The following PCDHA9 variants were observed in gnomAD, a reference collection of about 807,000 sequenced individuals.
PCDHA9 encodes the protein protocadherin alpha-9.
In PCDHA9, 62 loss-of-function variants were observed where a neutral mutation model predicts 62.0. That is an observed-to-expected ratio of 1.00 (90% CI 0.81 to 1.23). The LOEUF (loss-of-function observed/expected upper bound fraction) is 1.23, where lower values mean the gene tolerates loss of function less well. PCDHA9 is among the 50% of genes most tolerant of loss of function. The probability of loss-of-function intolerance (pLI) is 0.00; values close to 1 mark genes in which losing one functional copy is unlikely to be tolerated. For missense variants in PCDHA9, 1,205 were observed against 1,249.8 expected, an observed-to-expected ratio of 0.96 and a Z score of 0.54; for synonymous variants, 557 against 567.6, an observed-to-expected ratio of 0.98 and a Z score of 0.27.
In PCDHA9 at chr5:140,852,860, T is replaced by C. The variant is rs2150523334; in HGVS notation, c.2394+1971T>C. On this transcript the variant is annotated intron_variant, in intron 1 of 3. Transcript: ENST00000532602. ...GAGCTAGTACTTACTAAGCATTTAC[T>C]ATGTCATCAATAATCATAAAACGTA... is the stretch of plus-strand genomic sequence containing the variant. 26 of 961,500 alleles carry C rather than the reference T, an allele frequency of 2.7e-5. 2 individuals are homozygous for C. Among genetic ancestry groups the C allele is most frequent in the Admixed American group, 1.9e-4 (3 of 15,764 alleles). 59.6% of individuals were successfully genotyped at this position (961,500 alleles called of 1,614,324 possible).
At chr5:141,004,378 G>A (rs914260481) in intron 3 of PCDHA9, among the ~76,000 whole-genome samples, 3 of 152,198 alleles carry the variant, frequency 2.0e-5, no homozygotes, top group Admixed American at 6.5e-5. Context: ...TCTGCTCTGC[G>A]GAAGCTGGAC....
intron 1 of PCDHA9, among the ~76,000 whole-genome samples, chr5:140,922,088 T>C (rs1361534405): frequency 6.6e-6 from 1 of 152,184 alleles, no homozygotes; most frequent in Non-Finnish European, 1.5e-5. Context: ...AAGTGGTATT[T>C]CTACCAACTA....
chr5:140,922,441 A>G (rs2080844983), intron 1 of PCDHA9, among the ~76,000 whole-genome samples: 1 of 152,216 alleles, frequency 6.6e-6, no homozygotes, highest in Non-Finnish European at 1.5e-5. Flanking sequence ...GAACTCTCTC[A>G]TTATCCTATT....
At chr5:140,927,638 G>C (rs781909639) in intron 1 of PCDHA9, 1 of 1,614,024 alleles carries the variant, frequency 6.2e-7, no homozygotes, top group Admixed American at 1.7e-5. Flanking sequence ...GCACCCAATG[G>C]GACTGTGTTA....
intron 1 of PCDHA9, among the ~76,000 whole-genome samples, chr5:140,946,349 G>A (rs1412325014): frequency 6.6e-6 from 1 of 151,910 alleles, no homozygotes; most frequent in Non-Finnish European, 1.5e-5. Flanking sequence ...TGGAGAGGAT[G>A]TGGAGAAAAG....
intron 1 of PCDHA9, chr5:140,871,116 C>G (rs200344692): frequency 6.2e-7 from 1 of 1,613,264 alleles, no homozygotes; most frequent in East Asian, 2.2e-5. Flanking sequence ...TGGTGGAGAG[C>G]GGACAGGCGC....
chr5:140,883,575 G>A (rs782472492), intron 1 of PCDHA9: 2 of 1,614,072 alleles, frequency 1.2e-6, no homozygotes, highest in Non-Finnish European at 1.7e-6. Flanking sequence ...CCTTCGCTGT[G>A]GGCCACGGCC....
intron 1 of PCDHA9, among the ~76,000 whole-genome samples, chr5:140,902,546 A>G (rs1456804685): frequency 6.6e-6 from 1 of 152,088 alleles, no homozygotes; most frequent in Non-Finnish European, 1.5e-5. Context: ...TGTTCCTTCT[A>G]TACCCAGATT....
At chr5:140,905,990 G>A (rs569951946) in intron 1 of PCDHA9, among the ~76,000 whole-genome samples, 5 of 152,280 alleles carry the variant, frequency 3.3e-5, no homozygotes, top group Admixed American at 1.3e-4. Flanking sequence ...GAAAGATGTA[G>A]GCTGGGAGGC....
intron 1 of PCDHA9, among the ~76,000 whole-genome samples, chr5:140,920,012 G>A (rs531392984): frequency 2.6e-5 from 4 of 152,314 alleles, no homozygotes; most frequent in East Asian, 1.9e-4. Context: ...AAGGCCATGC[G>A]AAGATGGAGA....
chr5:140,890,739 C>T (rs1202760840), intron 1 of PCDHA9, among the ~76,000 whole-genome samples: 1 of 152,112 alleles, frequency 6.6e-6, no homozygotes, highest in Non-Finnish European at 1.5e-5. Flanking sequence ...GACTTATATA[C>T]TATTTCTGTC....
Position 140,850,664 on chromosome 5 carries a change from C to T in PCDHA9, c.2169C>T (p.Cys723=). 6.3e-7 allele frequency: 1 copy of T among 1,598,396 alleles called. No individual in the cohort carries two copies. Among genetic ancestry groups the T allele is most frequent in the Non-Finnish European group, 8.6e-7 (1 of 1,167,824 alleles). Residue 723 remains cysteine (C), a synonymous_variant, in exon 1 of 4, where the codon TGC becomes TGT. Transcript: ENST00000532602. Reference sequence around the variant, plus strand: ...TGCTGCTGTACACTGTGCTGCGGTGCTCGGCGATGCCCACCGAGGGCGAGT... The same window carrying T: ...TGCTGCTGTACACTGTGCTGCGGTGTTCGGCGATGCCCACCGAGGGCGAGT... The part of the protein sequence containing the change: ...LTLLLYTVLR[C]SAMPTEGECA...
At position 140,849,843 on chromosome 5, in the gene PCDHA9, G is replaced by C. The variant is rs2150453087; in HGVS notation, c.1348G>C (p.Asp450His). 1.9e-6 allele frequency: 3 copies of C among 1,598,500 alleles called. No individual in the cohort carries two copies. The highest frequency in any genetic ancestry group is 1.7e-6 in the Non-Finnish European group (2 of 1,167,974). The change falls in exon 1 of 4, where the codon GAC (aspartate) becomes CAC (histidine). Residue 450 changes from aspartate (D) to histidine (H), a missense_variant. Physicochemically the swap from Asp to His is moderately conservative, Grantham distance 81. Transcript: ENST00000532602. The stretch of plus-strand genomic sequence containing the variant: ...GTCTGTGGAGGTGGCCGACGTGAAC[G>C]ACAACGCACCAGCGTTCGCGCAGTC... ...RVSVEVADVN[D>H]NAPAFAQSEY...
rs142105240 is a variant in PCDHA9, at chr5:140,882,817, A to G, written c.2394+31928A>G. The G allele has an allele frequency of 5.3e-5, 86 of 1,614,242 alleles. 1 individual carries two copies. The African/African-American group carries it at 9.9e-4, about 19-fold the overall frequency. The stretch of plus-strand genomic sequence containing the variant: ...ACGATTATTTCACTTTGGACGCACA[A>G]AACAGTCTTGAGCAAATGTCTTCAT... On this transcript the variant is annotated intron_variant, in intron 1 of 3. Transcript: ENST00000532602.
At chr5:140,956,885 T>C (rs1156888418) in intron 1 of PCDHA9, among the ~76,000 whole-genome samples, 1 of 152,194 alleles carries the variant, frequency 6.6e-6, no homozygotes, top group Non-Finnish European at 1.5e-5. Context: ...TAGATATCAA[T>C]GAATGAATAT....
chr5:140,931,649 G>A (rs2087653878), intron 1 of PCDHA9, among the ~76,000 whole-genome samples: 1 of 151,904 alleles, frequency 6.6e-6, no homozygotes, highest in African/African-American at 2.4e-5. Context: ...GCTAATAATT[G>A]TTGTGGGCTG....
chr5:141,000,413 A>T (rs1563651324), intron 3 of PCDHA9, among the ~76,000 whole-genome samples: 4 of 93,212 alleles, frequency 4.3e-5, no homozygotes, highest in African/African-American at 1.8e-4. Flanking sequence ...ATATATATAT[A>T]TATATATATT....
intron 1 of PCDHA9, among the ~76,000 whole-genome samples, chr5:140,955,559 A>G (rs1220948022): frequency 6.6e-6 from 1 of 152,164 alleles, no homozygotes; most frequent in African/African-American, 2.4e-5. Flanking sequence ...CTCCCCAGCC[A>G]TACTGAACTG....
At position 140,876,284 on chromosome 5, in the gene PCDHA9, A is replaced by C. The variant is rs781831935; in HGVS notation, c.2394+25395A>C. 1.7e-5 allele frequency: 27 copies of C among 1,613,954 alleles called. No homozygotes were observed. The highest frequency in any genetic ancestry group is 2.3e-5 in the Non-Finnish European group (27 of 1,179,908). ...CAACTAAATGCTTCCGATCCAGACG[A>C]AGGACTTAATGGAGAAATTTCCTAT... On this transcript the variant is annotated intron_variant, in intron 1 of 3. Transcript: ENST00000532602.
Sources: allele counts gnomAD v4.1 joint callset (sites outside exome capture counted in the v4.1 genomes callset), GRCh38; gene constraint gnomAD v4.1.1; transcripts MANE v1.5; gene names NCBI Gene and HGNC (gene_info 2026-07-23, HGNC 2026-07-21).